The following OSBPL3 variants were observed in gnomAD, a reference collection of about 807,000 sequenced individuals.
The protein encoded by OSBPL3 is oxysterol-binding protein-related protein 3.
OSBPL3 carries 65 observed loss-of-function variants against 120.1 expected under a neutral mutation model. That is an observed-to-expected ratio of 0.54 (90% CI 0.44 to 0.67). The LOEUF (loss-of-function observed/expected upper bound fraction) is 0.67, where lower values mean the gene tolerates loss of function less well. OSBPL3 is among the 30% of genes least tolerant of loss of function. OSBPL3 has a pLI of 0.00. For synonymous variants in OSBPL3, 416 were observed against 402.6 expected (o/e 1.03, Z -0.40); for missense variants, 1,004 against 1,082.1 (o/e 0.93, Z 1.01).
rs1217291035 is a variant in OSBPL3, at chr7:24,979,931, G to C, written c.-195C>G. 7.2e-6 allele frequency: 7 copies of C among 972,284 alleles called. No individual in the cohort carries two copies. Among genetic ancestry groups the C allele is most frequent in the Non-Finnish European group, 8.5e-6 (7 of 823,684 alleles). The allele number at this position is 972,284 out of a possible 1,614,324, so 60.2% of individuals were successfully genotyped here. A position where few individuals can be genotyped will look rare whatever the true frequency, so the allele number is the denominator to read the frequency against. Reference sequence around the variant, plus strand: ...GACGCTCCCTAGTTCCCCGGGGCCGGGCTCCGGGGTTAGCGCACAGAACCG... The same window carrying C: ...GACGCTCCCTAGTTCCCCGGGGCCGCGCTCCGGGGTTAGCGCACAGAACCG... On this transcript the variant is annotated 5_prime_UTR_variant, in exon 1 of 23. Coordinates refer to ENST00000313367, the MANE Select transcript of OSBPL3 (RefSeq NM_015550.4).
intron 1 of OSBPL3, among the ~76,000 whole-genome samples, chr7:24,917,416 ATATATATATATT>A (rs1809780951): frequency 7.1e-6 from 1 of 141,058 alleles, no homozygotes; most frequent in Non-Finnish European, 1.5e-5. Flanking sequence ...ATATATATAT[ATATATATATATT>A]TGTAACATAT....
rs1265095881 is a variant in OSBPL3 at position 24,894,815 on chromosome 7, C to A, written c.-149-2194G>T. ...ACCACCAAAACAGAAACACCACAAC[C>A]CTGTCCTAGAGGCAGCTGATACAGG... is the stretch of plus-strand genomic sequence containing the variant. On this transcript the variant is annotated intron_variant, in intron 1 of 22. Coordinates refer to ENST00000313367, the MANE Select transcript of OSBPL3 (RefSeq NM_015550.4). This position sits in a 1 kb window ranked among gnomAD's most constrained non-coding sequence, Gnocchi z 4.1. 6.6e-6 allele frequency among the ~76,000 whole-genome samples: 1 copy of A among 152,170 alleles called. No individual in the cohort carries two copies.
rs1362042863 is a variant in OSBPL3 at position 24,815,802 on chromosome 7, T to C, written c.2028-599A>G. Reference sequence around the variant, plus strand: ...AGTAGGTGGTTTATTATTCTCTTTTTCTAGATGGGGAAACTGGTGATGAGA... The same window carrying C: ...AGTAGGTGGTTTATTATTCTCTTTTCCTAGATGGGGAAACTGGTGATGAGA... On this transcript the variant is annotated intron_variant, in intron 18 of 22. Transcript: ENST00000313367. The surrounding 1 kb of genome is among the most constrained non-coding windows in gnomAD (Gnocchi z 5.1). Among the ~76,000 whole-genome samples the C allele has an allele frequency of 2.0e-5, 3 of 152,196 alleles. No homozygotes were observed. The highest frequency in any genetic ancestry group is 4.4e-5 in the Non-Finnish European group (3 of 68,040).
chr7:24,944,821 A>G (rs1394112229), intron 1 of OSBPL3, among the ~76,000 whole-genome samples: 1 of 152,136 alleles, frequency 6.6e-6, no homozygotes, highest in Non-Finnish European at 1.5e-5. Context: ...GGCCCTTCTC[A>G]TTTGCTTTAA....
intron 2 of OSBPL3, among the ~76,000 whole-genome samples, chr7:24,888,615 T>C (rs1350341956): frequency 5.9e-5 from 9 of 152,170 alleles, no homozygotes; most frequent in Admixed American, 5.2e-4. Flanking sequence ...AGTTGTACAT[T>C]TTGTCTTAGG....
chr7:24,874,470 A>C (rs1802586956), intron 2 of OSBPL3, among the ~76,000 whole-genome samples: 1 of 152,228 alleles, frequency 6.6e-6, no homozygotes, highest in South Asian at 2.1e-4. Context: ...ACAAAACTGA[A>C]GAAAAAGTAG....
At chr7:24,924,424 A>G (rs1303790679) in intron 1 of OSBPL3, among the ~76,000 whole-genome samples, 1 of 152,204 alleles carries the variant, frequency 6.6e-6, no homozygotes, top group Non-Finnish European at 1.5e-5. Flanking sequence ...AAGAGCGAAA[A>G]AGTAGTAAGA....
At position 24,965,689 on chromosome 7, in the gene OSBPL3, G is replaced by C. The variant is rs1248481950; in HGVS notation, c.-150+14197C>G. Among the ~76,000 whole-genome samples, 2 of 152,108 alleles carry C rather than the reference G, an allele frequency of 1.3e-5. No individual in the cohort carries two copies. The highest frequency in any genetic ancestry group is 2.9e-5 in the Non-Finnish European group (2 of 68,022). On this transcript the variant is annotated intron_variant, in intron 1 of 22. Coordinates refer to ENST00000313367, the MANE Select transcript of OSBPL3 (RefSeq NM_015550.4). This position sits in a 1 kb window ranked among gnomAD's most constrained non-coding sequence, Gnocchi z 4.3. ...CTAAATCAGAAACTGTGGGGGTGGG[G>C]CCCAGCAATCTGTTTTATTAAATAA...
intron 15 of OSBPL3, among the ~76,000 whole-genome samples, chr7:24,832,512 AG>A (rs142334375): frequency 0.1 from 13,825 of 136,386 alleles, 1,180 homozygotes; most frequent in Non-Finnish European, 0.15. Context: ...TCTGCCTCAA[AG>A]AAAAAAAAAA....
At chr7:24,885,108 G>A (rs60676332) in intron 2 of OSBPL3, among the ~76,000 whole-genome samples, 25,546 of 151,700 alleles carry the variant, frequency 0.17, 2,311 homozygotes, top group African/African-American at 0.22. Flanking sequence ...TGTAGTCCCA[G>A]CTACTCAGGA....
chr7:24,878,303 G>T (rs910766590), intron 2 of OSBPL3, among the ~76,000 whole-genome samples: 3 of 152,218 alleles, frequency 2.0e-5, no homozygotes, highest in East Asian at 3.8e-4. Flanking sequence ...GCTCAAGAGT[G>T]TTGGGGAAGA....
chr7:24,892,575 A>G lies in OSBPL3; in HGVS notation c.-103T>C, dbSNP rs112618887. ...GTGGCAGGTGGTTTAGCTCTTATCC[A>G]AAGTATTTAAAAAACATTTTGGGTG... On this transcript the variant is annotated 5_prime_UTR_variant, in exon 2 of 23. Transcript: ENST00000313367. 2.1e-6 allele frequency: 3 copies of G among 1,454,582 alleles called. No homozygotes were observed. The highest frequency in any genetic ancestry group is 2.9e-5 in the South Asian group (2 of 68,756). 90.1% of individuals were successfully genotyped at this position (1,454,582 alleles called of 1,614,324 possible).
chr7:24,836,748 T>C (rs369108741), intron 14 of OSBPL3, among the ~76,000 whole-genome samples: 1 of 152,340 alleles, frequency 6.6e-6, no homozygotes, highest in South Asian at 2.1e-4. Context: ...GCTGCTCTGA[T>C]GAACAGAAAC....
chr7:24,836,593 A>G (rs888368123), intron 14 of OSBPL3, among the ~76,000 whole-genome samples: 1 of 152,102 alleles, frequency 6.6e-6, no homozygotes, highest in African/African-American at 2.4e-5. Flanking sequence ...TGAAATTCCT[A>G]TCCTCCATTG....
chr7:24,974,823 G>A (rs1329342211), intron 1 of OSBPL3, among the ~76,000 whole-genome samples: 1 of 152,212 alleles, frequency 6.6e-6, no homozygotes, highest in African/African-American at 2.4e-5. Flanking sequence ...AAGTAAATTA[G>A]TGGGTGGGGA....
At chr7:24,978,247 A>T (rs1279912744) in intron 1 of OSBPL3, among the ~76,000 whole-genome samples, 1 of 152,234 alleles carries the variant, frequency 6.6e-6, no homozygotes, top group Admixed American at 6.5e-5. Flanking sequence ...TCCCAACAGT[A>T]AAAAAAGGAT....
At chr7:24,897,576 C>T (rs1052326508) in intron 1 of OSBPL3, among the ~76,000 whole-genome samples, 1 of 152,052 alleles carries the variant, frequency 6.6e-6, no homozygotes, top group Admixed American at 6.5e-5. Flanking sequence ...CCGCCCGCCT[C>T]GGCCTCCCAA....
In OSBPL3 at chr7:24,940,882, C is replaced by T. The variant is rs112143176; in HGVS notation, c.-150+39004G>A. Among the ~76,000 whole-genome samples the T allele has an allele frequency of 3.4e-4, 51 of 151,410 alleles. No individual in the cohort carries two copies. Among genetic ancestry groups the T allele is most frequent in the South Asian group, 8.4e-4 (4 of 4,782 alleles). ...TCGCCCAGGCTGGAGTGCACTGGCG[C>T]GATCTCGGCTCACTGCAAGCTCTGC... is the stretch of plus-strand genomic sequence containing the variant. On this transcript the variant is annotated intron_variant, in intron 1 of 22. Transcript: ENST00000313367. This position sits in a 1 kb window ranked among gnomAD's most constrained non-coding sequence, Gnocchi z 4.4.
intron 1 of OSBPL3, among the ~76,000 whole-genome samples, chr7:24,934,871 T>C (rs776323354): frequency 4.6e-5 from 7 of 152,206 alleles, no homozygotes; most frequent in Non-Finnish European, 7.4e-5. Context: ...CTGAAATGCC[T>C]TCTTTCTGGG....
Sources: gnomAD v4.1 joint callset for allele counts (sites outside exome capture counted in the v4.1 genomes callset) on GRCh38, gnomAD v4.1.1 for gene constraint, Gnocchi (gnomAD v3.1) non-coding constraint, MANE v1.5 for transcripts, NCBI Gene and HGNC (gene_info 2026-07-23, HGNC 2026-07-21) for gene names.